Variants in IRF2 observed in about 807,000 individuals in gnomAD.
IRF2 encodes the protein interferon regulatory factor 2.
Under a neutral mutation model 40.6 loss-of-function variants are expected in IRF2, and 15 were observed. The observed-to-expected ratio is 0.37, with a 90% CI of 0.25 to 0.57. The LOEUF is 0.57. Ranked by LOEUF, IRF2 falls within the 20% of genes least tolerant of loss-of-function variation. IRF2 has a pLI of 0.77. For missense variants in IRF2, 317 were observed against 455.7 expected, an observed-to-expected ratio of 0.70 and a Z score of 2.77; for synonymous variants, 151 against 165.5, an observed-to-expected ratio of 0.91 and a Z score of 0.67.
intron 6 of IRF2, among the ~76,000 whole-genome samples, chr4:184,402,401 C>T (rs915802947): frequency 2.0e-5 from 3 of 152,162 alleles, no homozygotes; most frequent in Admixed American, 6.5e-5. Flanking sequence ...TCACTGTCCC[C>T]GTCACTCGGC....
chr4:184,413,506 C>T lies in IRF2; in HGVS notation c.411+4661G>A, dbSNP rs746953756. ...CCTCTTCCAACTAGTGAAGGGATCA[C>T]TCCAGTAGCAGCCCTGCCAGGGAGT... is the stretch of plus-strand genomic sequence containing the variant. On this transcript the variant is annotated intron_variant, in intron 5 of 8. Transcript: ENST00000393593. The surrounding 1 kb of genome is among the most constrained non-coding windows in gnomAD (Gnocchi z 4.2). Among the ~76,000 whole-genome samples, 16 of 152,224 alleles carry T rather than the reference C, an allele frequency of 1.1e-4. No homozygotes were observed. Among genetic ancestry groups the T allele is most frequent in the Non-Finnish European group, 1.8e-4 (12 of 68,044 alleles).
At chr4:184,397,543 A>G (rs974144286) in intron 7 of IRF2, among the ~76,000 whole-genome samples, 2 of 152,098 alleles carry the variant, frequency 1.3e-5, no homozygotes, top group Admixed American at 1.3e-4. Flanking sequence ...AAAAAAAAAG[A>G]AAGTTGGCAT....
chr4:184,388,613 T>C lies in IRF2; in HGVS notation c.*145A>G, dbSNP rs1246243242. On this transcript the variant is annotated 3_prime_UTR_variant, in exon 9 of 9. Coordinates refer to ENST00000393593, the MANE Select transcript of IRF2 (RefSeq NM_002199.4). This position sits in a 1 kb window ranked among gnomAD's most constrained non-coding sequence, Gnocchi z 4.6. Reference sequence around the variant, plus strand: ...TTAAAGAGAAGCTCCAGTACTGGAGTTGGACACAGCAATCAATGTTCTATT... The same window carrying C: ...TTAAAGAGAAGCTCCAGTACTGGAGCTGGACACAGCAATCAATGTTCTATT... 3 of 804,494 alleles carry C rather than the reference T, an allele frequency of 3.7e-6. No individual in the cohort carries two copies. The highest frequency in any genetic ancestry group is 5.9e-6 in the Non-Finnish European group (3 of 506,948). 49.8% of individuals were successfully genotyped at this position (804,494 alleles called of 1,614,324 possible).
intron 1 of IRF2, among the ~76,000 whole-genome samples, chr4:184,437,846 A>G (rs1333089350): frequency 2.7e-5 from 4 of 150,696 alleles, no homozygotes; most frequent in African/African-American, 7.5e-5. Flanking sequence ...AAAAAAAAAA[A>G]AACCCACACA....
At chr4:184,403,327 C>G (rs1357134004) in intron 6 of IRF2, among the ~76,000 whole-genome samples, 4 of 152,186 alleles carry the variant, frequency 2.6e-5, no homozygotes, top group African/African-American at 9.7e-5. Context: ...AGCGGCAAAA[C>G]AGACAGCAAC....
At chr4:184,402,888 C>G (rs900789030) in intron 6 of IRF2, among the ~76,000 whole-genome samples, 13 of 152,150 alleles carry the variant, frequency 8.5e-5, no homozygotes, top group Admixed American at 4.6e-4. Flanking sequence ...TTTATAGGAC[C>G]GTGTGCCTTA....
intron 5 of IRF2, among the ~76,000 whole-genome samples, chr4:184,414,738 C>T (rs749521640): frequency 1.9e-4 from 29 of 152,132 alleles, no homozygotes; most frequent in Admixed American, 3.3e-4. Flanking sequence ...ATGAGTGACC[C>T]CAAGAAAATT....
intron 6 of IRF2, among the ~76,000 whole-genome samples, chr4:184,405,455 A>G (rs1181432111): frequency 6.7e-6 from 1 of 149,430 alleles, no homozygotes; most frequent in Non-Finnish European, 1.5e-5. Flanking sequence ...CACTGTCTCT[A>G]TGAGCAGCCA....
At chr4:184,419,157 G>T (rs757870017) in intron 3 of IRF2, among the ~76,000 whole-genome samples, 6 of 151,882 alleles carry the variant, frequency 4.0e-5, no homozygotes, top group Non-Finnish European at 7.4e-5. Context: ...TACCTTTTTG[G>T]GGGGGAGATA....
At chr4:184,403,103 G>T (rs1736727045) in intron 6 of IRF2, among the ~76,000 whole-genome samples, 1 of 152,124 alleles carries the variant, frequency 6.6e-6, no homozygotes, top group Non-Finnish European at 1.5e-5. Flanking sequence ...GGAGTGTGTT[G>T]CTTTATGCCC....
At chr4:184,420,862 T>A (rs1579836388) in intron 2 of IRF2, among the ~76,000 whole-genome samples, 1 of 152,336 alleles carries the variant, frequency 6.6e-6, no homozygotes, top group Middle Eastern at 3.4e-3. Context: ...GTCAAGGAAC[T>A]TGCAGGATAA....
At chr4:184,404,562 C>T (rs867873166) in intron 6 of IRF2, among the ~76,000 whole-genome samples, 2 of 151,896 alleles carry the variant, frequency 1.3e-5, no homozygotes, top group African/African-American at 4.8e-5. Flanking sequence ...ATATTGTTTC[C>T]AATCTATATA....
intron 6 of IRF2, among the ~76,000 whole-genome samples, chr4:184,403,794 A>T (rs1207807073): frequency 6.6e-6 from 1 of 152,240 alleles, no homozygotes; most frequent in East Asian, 1.9e-4. Flanking sequence ...ACTAATAGTG[A>T]CATTTCTTTT....
intron 1 of IRF2, among the ~76,000 whole-genome samples, chr4:184,456,239 G>A (rs1180783893): frequency 6.6e-6 from 1 of 152,134 alleles, no homozygotes; most frequent in East Asian, 1.9e-4. Context: ...TTTTTCAAAG[G>A]CCTATGGGGA....
chr4:184,416,191 C>T (rs1409193488), intron 5 of IRF2, among the ~76,000 whole-genome samples: 1 of 151,800 alleles, frequency 6.6e-6, no homozygotes, highest in East Asian at 1.9e-4. Context: ...TGGCACACAC[C>T]TGTAGACCCA....
intron 2 of IRF2, among the ~76,000 whole-genome samples, chr4:184,421,383 G>A (rs1056592791): frequency 2.0e-5 from 3 of 152,096 alleles, no homozygotes; most frequent in African/African-American, 4.8e-5. Flanking sequence ...AGAGGGCTTC[G>A]GGTTAGCCAA....
At position 184,466,898 on chromosome 4, in the gene IRF2, T is replaced by C. The variant is rs189667369; in HGVS notation, c.-7+7481A>G. Among the ~76,000 whole-genome samples, 105 of 152,312 alleles carry C rather than the reference T, an allele frequency of 6.9e-4. 2 individuals are homozygous for C. The highest frequency in any genetic ancestry group is 2.3e-3 in the African/African-American group (97 of 41,552). ...AGGACCGTAGGCCACTGTAGCACAATGGCAAGTATCTGTGTATCTAAACAT... is the reference window on the plus strand; with the variant it reads ...AGGACCGTAGGCCACTGTAGCACAACGGCAAGTATCTGTGTATCTAAACAT... On this transcript the variant is annotated intron_variant, in intron 1 of 8. Transcript: ENST00000393593.
intron 1 of IRF2, among the ~76,000 whole-genome samples, chr4:184,468,253 T>C (rs3775585): frequency 0.57 from 86,926 of 152,072 alleles, 25,122 homozygotes; most frequent in Middle Eastern, 0.66. Flanking sequence ...TTTGGGAGGC[T>C]GAGGCGGGCA....
chr4:184,403,375 C>T (rs1736737473), intron 6 of IRF2, among the ~76,000 whole-genome samples: 1 of 152,188 alleles, frequency 6.6e-6, no homozygotes, highest in Non-Finnish European at 1.5e-5. Context: ...GAATAACAAA[C>T]TTACCTGCTA....
Sources: allele counts gnomAD v4.1 joint callset (sites outside exome capture counted in the v4.1 genomes callset), GRCh38; gene constraint gnomAD v4.1.1; non-coding constraint Gnocchi (gnomAD v3.1); transcripts MANE v1.5; gene names NCBI Gene and HGNC (gene_info 2026-07-23, HGNC 2026-07-21).